The following DNAI2 variants were observed in gnomAD, a reference collection of about 807,000 sequenced individuals.
DNAI2 encodes dynein, axonemal, intermediate polypeptide 2.
A neutral mutation model predicts 74.7 loss-of-function variants in DNAI2; 63 were observed. The ratio of observed to expected loss-of-function variants is 0.84; its 90% confidence interval spans 0.69 to 1.04. The LOEUF (loss-of-function observed/expected upper bound fraction) is 1.04. DNAI2 is among the 50% of genes least tolerant of loss of function. DNAI2 has a pLI of 0.00. For missense variants in DNAI2, 688 were observed against 803.2 expected (o/e 0.86, Z 1.73); for synonymous variants, 289 against 314.9 (o/e 0.92, Z 0.87).
intron 8 of DNAI2, among the ~76,000 whole-genome samples, chr17:74,303,061 A>C (rs917441323): frequency 5.8e-4 from 88 of 152,222 alleles, no homozygotes; most frequent in African/African-American, 2.1e-3. Context: ...TGGCCCTTGC[A>C]GGGTGCACAC....
chr17:74,313,620 C>G (rs921266574), intron 12 of DNAI2, among the ~76,000 whole-genome samples: 3 of 152,196 alleles, frequency 2.0e-5, no homozygotes, highest in Non-Finnish European at 4.4e-5. Flanking sequence ...AGAAGTTGAG[C>G]CTTGGAAGGG....
At chr17:74,295,182 C>T (rs2143987110) in intron 6 of DNAI2, among the ~76,000 whole-genome samples, 1 of 143,574 alleles carries the variant, frequency 7.0e-6, no homozygotes, top group African/African-American at 2.5e-5. Flanking sequence ...ATTACCTGAA[C>T]TCAGGAGTTC....
intron 9 of DNAI2, 22 bp from the exon 10 acceptor site, chr17:74,309,231 T>C: frequency 6.2e-7 from 1 of 1,613,622 alleles, no homozygotes. Context: ...CCTCCAACCA[T>C]GATGTGGTCT....
intron 6 of DNAI2, among the ~76,000 whole-genome samples, chr17:74,291,782 C>T (rs1025973967): frequency 6.6e-6 from 1 of 152,112 alleles, no homozygotes; most frequent in Non-Finnish European, 1.5e-5. Flanking sequence ...GGGAAACCTA[C>T]ATGCTAACGG....
chr17:74,304,653 C>A (rs1025925487), intron 8 of DNAI2, among the ~76,000 whole-genome samples: 3 of 152,174 alleles, frequency 2.0e-5, no homozygotes, highest in Non-Finnish European at 4.4e-5. Context: ...CAGACAAGCT[C>A]GTGCCCCTCA....
chr17:74,301,550 A>T (rs891379475), intron 8 of DNAI2, among the ~76,000 whole-genome samples: 4 of 151,992 alleles, frequency 2.6e-5, no homozygotes, highest in Non-Finnish European at 5.9e-5. Context: ...CGGGGTCCCT[A>T]GGCTGGTCAC....
chr17:74,294,362 C>T (rs536091657), intron 6 of DNAI2, among the ~76,000 whole-genome samples: 65 of 149,958 alleles, frequency 4.3e-4, no homozygotes, highest in South Asian at 1.5e-3. Flanking sequence ...CAAGCTGGAG[C>T]GCAGTGCTGT....
At chr17:74,285,970 TAGAGAGAGAG>T (rs3056091) in intron 3 of DNAI2, among the ~76,000 whole-genome samples, 8 of 146,936 alleles carry the variant, frequency 5.4e-5, no homozygotes, top group African/African-American at 7.5e-5. Flanking sequence ...TATATATATA[TAGAGAGAGAG>T]AGAGAGAGAG....
Position 74,314,628 on chromosome 17 carries a change from GAAGACC to G in DNAI2, c.*96_*101del. The G allele has an allele frequency of 4.4e-6, 1 of 228,344 alleles. No homozygotes were observed. The highest frequency in any genetic ancestry group is 8.9e-6 in the Non-Finnish European group (1 of 111,962). The allele number at this position is 228,344 out of a possible 1,614,324, so 14.1% of individuals were successfully genotyped here. ...TTGCATGGCCATGGCAGGGCCTCGG[GAAGACC>G]TTCAGGAGTGGGGAAGGGTTTCTCC... On this transcript the variant is annotated 3_prime_UTR_variant, in exon 14 of 14. Coordinates refer to ENST00000311014, the MANE Select transcript of DNAI2 (RefSeq NM_023036.6).
rs139319121 is a variant in DNAI2, at chr17:74,309,292, C to T, written c.1251C>T (p.Pro417=). ...ACCTCACTGATGCTGCCTGGAGCCCCGTGAGGCCGACCGTTTTCTTTACCA... is the reference window on the plus strand; with the variant it reads ...ACCTCACTGATGCTGCCTGGAGCCCTGTGAGGCCGACCGTTTTCTTTACCA... ...MAYLTDAAWS[P]VRPTVFFTTR... The change falls in exon 10 of 14, where the codon CCC becomes CCT. Residue 417 remains proline (P), a synonymous_variant. Transcript: ENST00000311014. The T allele has an allele frequency of 7.7e-5, 124 of 1,614,116 alleles. No homozygotes were observed. The East Asian group carries it at 9.1e-4, about 12-fold the overall frequency.
At chr17:74,292,327 C>G (rs901609528) in intron 6 of DNAI2, among the ~76,000 whole-genome samples, 3 of 151,438 alleles carry the variant, frequency 2.0e-5, no homozygotes, top group Non-Finnish European at 4.4e-5. Flanking sequence ...TAGTTTCTGT[C>G]TTTCTAGGAA....
At chr17:74,303,769 G>C (rs2053000438) in intron 8 of DNAI2, among the ~76,000 whole-genome samples, 1 of 151,980 alleles carries the variant, frequency 6.6e-6, no homozygotes, top group Non-Finnish European at 1.5e-5. Context: ...TATCATTTTA[G>C]TAATTTTCTG....
chr17:74,311,547 A>G (rs1270733186), intron 11 of DNAI2, among the ~76,000 whole-genome samples: 2 of 152,208 alleles, frequency 1.3e-5, no homozygotes, highest in Admixed American at 1.3e-4. Flanking sequence ...TGGGAAGCAG[A>G]GGTTGTGGTG....
Position 74,304,864 on chromosome 17 carries a change from G to A in DNAI2, c.988-355G>A, listed in dbSNP as rs182674286. 9.1e-4 allele frequency among the ~76,000 whole-genome samples: 138 copies of A among 152,246 alleles called. 1 individual carries two copies. Among genetic ancestry groups the A allele is most frequent in the Non-Finnish European group, 2.6e-4 (18 of 68,016 alleles). ...TGGGCCACCCTGCATCCCCTCCCTG[G>A]GTCTTCTTTACTCTCTCTGTAAACA... is the stretch of plus-strand genomic sequence containing the variant. On this transcript the variant is annotated intron_variant, in intron 8 of 13. Transcript: ENST00000311014.
chr17:74,294,294 A>ATTTCTTTTTTTTTTTTCT (rs2052303466), intron 6 of DNAI2, among the ~76,000 whole-genome samples: 12 of 121,566 alleles, frequency 9.9e-5, no homozygotes, highest in Non-Finnish European at 1.5e-4. Context: ...TTCCCTTATC[A>ATTTCTTTTTTTTTTTTCT]TTTCTTTTTT....
intron 1 of DNAI2, among the ~76,000 whole-genome samples, chr17:74,277,750 C>T (rs370357581): frequency 1.3e-5 from 2 of 152,318 alleles, no homozygotes; most frequent in South Asian, 2.1e-4. Flanking sequence ...GTGAAAAACA[C>T]GAATTGCTAG....
Position 74,291,074 on chromosome 17 carries a change from T to A in DNAI2, c.665T>A (p.Leu222Ter), listed in dbSNP as rs1433290911. The change falls in exon 6 of 14, where the codon TTG becomes TAG. Residue 222 changes from leucine to a stop codon, truncating the protein, a stop_gained. Coordinates refer to ENST00000311014, the MANE Select transcript of DNAI2 (RefSeq NM_023036.6). LOFTEE classifies it high-confidence loss of function. ...ALKPSSPLVT[L>*]EFNPKDSHVL... Reference sequence around the variant, plus strand: ...AAGCCATCGTCTCCACTCGTGACGTTGGAGTTCAACCCCAAAGATTCCCAC... The same window carrying A: ...AAGCCATCGTCTCCACTCGTGACGTAGGAGTTCAACCCCAAAGATTCCCAC... 6.2e-7 allele frequency: 1 copy of A among 1,614,222 alleles called. No homozygotes were observed. Among genetic ancestry groups the A allele is most frequent in the Non-Finnish European group, 8.5e-7 (1 of 1,180,044 alleles).
chr17:74,305,670 C>CTTT (rs4007906), intron 9 of DNAI2, among the ~76,000 whole-genome samples: 44 of 122,214 alleles, frequency 3.6e-4, no homozygotes, highest in East Asian at 8.8e-4. Flanking sequence ...ATTTTATTTC[C>CTTT]TTTTTTTTTT....
chr17:74,286,113 T>C (rs569560079), intron 3 of DNAI2, among the ~76,000 whole-genome samples: 2 of 151,418 alleles, frequency 1.3e-5, no homozygotes, highest in South Asian at 4.2e-4. Context: ...CTGGCCAACA[T>C]AGCAAAACCC....
Sources: allele counts gnomAD v4.1 joint callset (sites outside exome capture counted in the v4.1 genomes callset), GRCh38; gene constraint gnomAD v4.1.1; transcripts MANE v1.5; gene names NCBI Gene and HGNC (gene_info 2026-07-23, HGNC 2026-07-21).